PAX2: variants seen among roughly 807,000 people sequenced by gnomAD.
PAX2 encodes paired box 2.
Under a neutral mutation model 41.7 loss-of-function variants are expected in PAX2, and 9 were observed. The observed-to-expected ratio is 0.22, with a 90% CI of 0.13 to 0.38. The LOEUF is 0.38. Ranked by LOEUF, PAX2 falls within the 10% of genes least tolerant of loss-of-function variation. The probability of loss-of-function intolerance (pLI) is 1.00; values close to 1 mark genes in which losing one functional copy is unlikely to be tolerated. For missense variants in PAX2, 418 were observed against 531.6 expected, an observed-to-expected ratio of 0.79 and a Z score of 2.10; for synonymous variants, 221 against 212.7, an observed-to-expected ratio of 1.04 and a Z score of -0.34.
At position 100,748,689 on chromosome 10, in the gene PAX2, CGGTTCCG is replaced by C; in HGVS notation, c.44-1056_44-1050del. 1.0e-6 allele frequency: 1 copy of C among 985,426 alleles called. No individual in the cohort carries two copies. The highest frequency in any genetic ancestry group is 1.7e-5 in the African/African-American group (1 of 57,360). 61.0% of individuals were successfully genotyped at this position (985,426 alleles called of 1,614,324 possible). A position where few individuals can be genotyped will look rare whatever the true frequency, so the allele number is the denominator to read the frequency against. On this transcript the variant is annotated intron_variant, in intron 1 of 9. Coordinates refer to ENST00000355243, the MANE Select transcript of PAX2 (RefSeq NM_000278.5). The surrounding 1 kb of genome is among the most constrained non-coding windows in gnomAD (Gnocchi z 5.0). ...CAGGCCTGGCACCCAGTGGCCGCCT[CGGTTCCG>C]AGATCGGGAGCCCGCGCTGGAGCCG...
chr10:100,764,595 C>G (rs1845954728), intron 3 of PAX2, among the ~76,000 whole-genome samples: 1 of 152,058 alleles, frequency 6.6e-6, no homozygotes, highest in Admixed American at 6.6e-5. Flanking sequence ...AAAAAAAGAC[C>G]CTCTATGATT....
chr10:100,816,508 A>C (rs543597208), intron 7 of PAX2, among the ~76,000 whole-genome samples: 1 of 152,338 alleles, frequency 6.6e-6, no homozygotes, highest in Non-Finnish European at 1.5e-5. Flanking sequence ...TGTCCCAATG[A>C]AACAGGTATG....
intron 3 of PAX2, among the ~76,000 whole-genome samples, chr10:100,768,301 T>A (rs2133871960): frequency 6.6e-6 from 1 of 152,270 alleles, no homozygotes. Flanking sequence ...TAGAAATAGA[T>A]CCTCAAAACA....
chr10:100,769,038 A>G (rs1287863883), intron 3 of PAX2, among the ~76,000 whole-genome samples: 2 of 152,254 alleles, frequency 1.3e-5, no homozygotes, highest in Non-Finnish European at 2.9e-5. Flanking sequence ...CTAGCCTCTC[A>G]TAGATTCTAC....
chr10:100,824,631 C>T lies in PAX2; in HGVS notation c.920-17C>T, dbSNP rs765809475. The T allele has an allele frequency of 1.9e-6, 3 of 1,553,244 alleles. No homozygotes were observed. In the South Asian group the frequency reaches 3.3e-5, roughly 17 times the overall value. On this transcript the variant is annotated splice_polypyrimidine_tract_variant and intron_variant, in intron 7 of 9. Coordinates refer to ENST00000355243, the MANE Select transcript of PAX2 (RefSeq NM_000278.5). This position sits in a 1 kb window ranked among gnomAD's most constrained non-coding sequence, Gnocchi z 6.6. ...CTTTCTTCCAGGCCTCACCCCTTCCCCTTTGTGTTTTTCCAGGTCGTGACA... is the reference window on the plus strand; with the variant it reads ...CTTTCTTCCAGGCCTCACCCCTTCCTCTTTGTGTTTTTCCAGGTCGTGACA...
rs545109945 is a variant in PAX2 at position 100,800,786 on chromosome 10, G to A, written c.617-5644G>A. Among the ~76,000 whole-genome samples, 6 of 152,294 alleles carry A rather than the reference G, an allele frequency of 3.9e-5. No homozygotes were observed. The South Asian group carries it at 1.2e-3, about 32-fold the overall frequency. ...GTGTGAGATAGGGCCCAGCTCCAGG[G>A]CCACCCAGGAATAGATGGGGAGTGA... On this transcript the variant is annotated intron_variant, in intron 5 of 9. Transcript: ENST00000355243.
intron 5 of PAX2, among the ~76,000 whole-genome samples, chr10:100,805,023 TAC>T (rs3978747): frequency 0.063 from 6,010 of 94,756 alleles, 240 homozygotes; most frequent in African/African-American, 0.13. Flanking sequence ...CTCTCTCACA[TAC>T]ACACACACAC....
At chr10:100,795,520 T>A (rs1202260890) in intron 5 of PAX2, among the ~76,000 whole-genome samples, 1 of 152,236 alleles carries the variant, frequency 6.6e-6, no homozygotes, top group Non-Finnish European at 1.5e-5. Flanking sequence ...CCACAACTTA[T>A]TTTTGTGAGT....
At chr10:100,785,492 C>T (rs1016526094) in intron 5 of PAX2, among the ~76,000 whole-genome samples, 2 of 152,126 alleles carry the variant, frequency 1.3e-5, no homozygotes, top group South Asian at 2.1e-4. Flanking sequence ...TGCAGTTGTG[C>T]GTTTGCAGGC....
In PAX2 at chr10:100,750,675, G is replaced by A. The variant is rs775305143; in HGVS notation, c.213-19G>A. ...CCACAGTCCGCTTCTGGCTGACCCC[G>A]CCGGCTTTCCCGGCGCAGGTACTAC... On this transcript the variant is annotated intron_variant, in intron 2 of 9. Transcript: ENST00000355243. This position sits in a 1 kb window ranked among gnomAD's most constrained non-coding sequence, Gnocchi z 4.1. The A allele has an allele frequency of 5.0e-6, 8 of 1,612,518 alleles. No individual in the cohort carries two copies. The South Asian group carries it at 8.8e-5, about 18-fold the overall frequency.
chr10:100,737,116 A>T (rs1844799053), intron 1 of PAX2, among the ~76,000 whole-genome samples: 1 of 151,922 alleles, frequency 6.6e-6, no homozygotes. Context: ...CATTTGCTCA[A>T]GCTCCTGAGA....
At chr10:100,782,025 A>G (rs569184752) in intron 5 of PAX2, among the ~76,000 whole-genome samples, 10 of 152,300 alleles carry the variant, frequency 6.6e-5, no homozygotes, top group Admixed American at 2.0e-4. Flanking sequence ...AGTGGTAGGG[A>G]TGATCCTGGG....
In PAX2 at chr10:100,748,317, T is replaced by C. The variant is rs1458371800; in HGVS notation, c.44-1429T>C. On this transcript the variant is annotated intron_variant, in intron 1 of 9. Transcript: ENST00000355243. This position sits in a 1 kb window ranked among gnomAD's most constrained non-coding sequence, Gnocchi z 5.0. The stretch of plus-strand genomic sequence containing the variant: ...GGAGGGTGAGAAGTGGGGCTAGAGA[T>C]AGGGAGATTAACGGGGTGGGCAAGG... 2.0e-6 allele frequency: 2 copies of C among 982,428 alleles called. No individual in the cohort carries two copies. The highest frequency in any genetic ancestry group is 4.7e-5 in the South Asian group (1 of 21,106). The allele number at this position is 982,428 out of a possible 1,614,324, so 60.9% of individuals were successfully genotyped here. A position where few individuals can be genotyped will look rare whatever the true frequency, so the allele number is the denominator to read the frequency against.
Position 100,745,901 on chromosome 10 carries a change from G to A in PAX2, c.-360G>A, listed in dbSNP as rs1398792161. 1 of 1,168,144 alleles carries A rather than the reference G, an allele frequency of 8.6e-7. No homozygotes were observed. The highest frequency in any genetic ancestry group is 1.1e-6 in the Non-Finnish European group (1 of 946,534). 72.4% of individuals were successfully genotyped at this position (1,168,144 alleles called of 1,614,324 possible). ...TCTCGGATGACCAGGTTCCAGGGGA[G>A]CTGAGCGAGTCGCCTCCCCCGCCCA... is the stretch of plus-strand genomic sequence containing the variant. On this transcript the variant is annotated 5_prime_UTR_variant, in exon 1 of 10. Coordinates refer to ENST00000355243, the MANE Select transcript of PAX2 (RefSeq NM_000278.5).
intron 1 of PAX2, 43 bp downstream of exon 1, chr10:100,746,346 C>T: frequency 7.2e-7 from 1 of 1,380,036 alleles, no homozygotes; most frequent in Non-Finnish European, 1.0e-6. Flanking sequence ...CGGGGCTCTC[C>T]GTCCCAACCC....
chr10:100,788,009 G>C (rs1383303759), intron 5 of PAX2, among the ~76,000 whole-genome samples: 1 of 152,070 alleles, frequency 6.6e-6, no homozygotes, highest in Non-Finnish European at 1.5e-5. Context: ...GACCAGCCGT[G>C]GTGTCACCGT....
intron 5 of PAX2, among the ~76,000 whole-genome samples, chr10:100,787,658 C>T (rs1846924117): frequency 6.6e-6 from 1 of 152,058 alleles, no homozygotes; most frequent in Non-Finnish European, 1.5e-5. Context: ...ACTTTAACTT[C>T]AGGGTCATTA....
chr10:100,743,645 C>T (rs775353888), upstream of PAX2, among the ~76,000 whole-genome samples: 1 of 152,232 alleles, frequency 6.6e-6, no homozygotes, highest in Admixed American at 6.5e-5. Flanking sequence ...ACCTGAGATC[C>T]CTTGCACTCT....
At chr10:100,796,109 A>C (rs1847323517) in intron 5 of PAX2, among the ~76,000 whole-genome samples, 1 of 152,150 alleles carries the variant, frequency 6.6e-6, no homozygotes, top group Admixed American at 6.5e-5. Flanking sequence ...GCATAAGAGG[A>C]AAAAAAGTGA....
Sources: allele counts gnomAD v4.1 joint callset (sites outside exome capture counted in the v4.1 genomes callset), GRCh38; gene constraint gnomAD v4.1.1; non-coding constraint Gnocchi (gnomAD v3.1); transcripts MANE v1.5; gene names NCBI Gene and HGNC (gene_info 2026-07-23, HGNC 2026-07-21).